The following SUPT3H variants were observed in gnomAD, a reference collection of about 807,000 sequenced individuals.
The protein encoded by SUPT3H is transcription initiation protein SPT3 homolog.
A neutral mutation model predicts 44.3 loss-of-function variants in SUPT3H; 44 were observed. The observed-to-expected ratio is 0.99, with a 90% CI of 0.78 to 1.28. SUPT3H has a LOEUF of 1.28. SUPT3H is among the 50% of genes most tolerant of loss of function. The probability of loss-of-function intolerance (pLI) is 0.00; values close to 1 mark genes in which losing one functional copy is unlikely to be tolerated. For synonymous variants in SUPT3H, 124 were observed against 125.6 expected, an observed-to-expected ratio of 0.99 and a Z score of 0.09; for missense variants, 380 against 387.1, an observed-to-expected ratio of 0.98 and a Z score of 0.15.
chr6:44,910,913 T>C (rs985967206), intron 10 of SUPT3H, among the ~76,000 whole-genome samples: 21 of 142,580 alleles, frequency 1.5e-4, no homozygotes, highest in Middle Eastern at 3.9e-3. Context: ...GAGAACCATT[T>C]GAACCTGGGA....
intron 6 of SUPT3H, among the ~76,000 whole-genome samples, chr6:44,987,760 G>T (rs1005571732): frequency 6.6e-6 from 1 of 151,984 alleles, no homozygotes; most frequent in South Asian, 2.1e-4. Context: ...AATGTATGTC[G>T]GTGCTCTGGT....
At chr6:45,130,069 T>C (rs1803187801) in intron 2 of SUPT3H, among the ~76,000 whole-genome samples, 1 of 152,212 alleles carries the variant, frequency 6.6e-6, no homozygotes, top group Non-Finnish European at 1.5e-5. Context: ...GTGTACAGTT[T>C]AGTAGGTTTC....
intron 6 of SUPT3H, among the ~76,000 whole-genome samples, chr6:44,991,458 T>A (rs1167093642): frequency 1.3e-5 from 2 of 152,098 alleles, no homozygotes; most frequent in African/African-American, 2.4e-5. Context: ...GATATGCTAA[T>A]ACAATAGATT....
Position 45,120,440 on chromosome 6 carries a change from AAG to A in SUPT3H, c.102-14436_102-14435del, listed in dbSNP as rs1186345496. On this transcript the variant is annotated intron_variant, in intron 2 of 10. Coordinates refer to ENST00000371459, the MANE Select transcript of SUPT3H (RefSeq NM_003599.4). The stretch of plus-strand genomic sequence containing the variant: ...TCTAAAAAAAAAAAAAAAAAAAAAA[AAG>A]ACTATATAAGCATATATCCAAGTTA... 1.5e-4 allele frequency among the ~76,000 whole-genome samples: 22 copies of A among 148,192 alleles called. 2 individuals are homozygous for A. The highest frequency in any genetic ancestry group is 6.4e-4 in the South Asian group (3 of 4,722).
intron 2 of SUPT3H, among the ~76,000 whole-genome samples, chr6:45,301,626 T>C (rs1048562485): frequency 6.6e-6 from 1 of 152,118 alleles, no homozygotes; most frequent in South Asian, 2.1e-4. Context: ...ATCCTGTTTA[T>C]AGCTATGATT....
At chr6:44,991,107 CA>C (rs1216077923) in intron 6 of SUPT3H, among the ~76,000 whole-genome samples, 1 of 151,732 alleles carries the variant, frequency 6.6e-6, no homozygotes, top group Non-Finnish European at 1.5e-5. Context: ...GTCCTTTCTT[CA>C]AGGTAGGACA....
intron 11 of SUPT3H, among the ~76,000 whole-genome samples, chr6:44,810,892 CGA>C (rs1434716986): frequency 2.7e-5 from 4 of 146,798 alleles, no homozygotes; most frequent in South Asian, 2.2e-4. Context: ...GATGACAGAG[CGA>C]GAGACTCCAT....
intron 3 of SUPT3H, among the ~76,000 whole-genome samples, chr6:45,032,024 C>A (rs941947486): frequency 6.6e-6 from 1 of 152,140 alleles, no homozygotes; most frequent in Non-Finnish European, 1.5e-5. Context: ...GGGATTATAG[C>A]AATGCAATTG....
intron 2 of SUPT3H, among the ~76,000 whole-genome samples, chr6:45,123,566 C>A (rs1218962579): frequency 6.6e-6 from 1 of 150,954 alleles, no homozygotes; most frequent in East Asian, 1.9e-4. Flanking sequence ...TTTTAAAGTA[C>A]AATTAAAAAT....
At chr6:45,183,023 A>G (rs1813557866) in intron 2 of SUPT3H, among the ~76,000 whole-genome samples, 2 of 152,262 alleles carry the variant, frequency 1.3e-5, no homozygotes, top group South Asian at 4.1e-4. Context: ...TTGTATATCA[A>G]TGTTCACTGC....
At chr6:44,895,783 G>A (rs1764035058) in intron 10 of SUPT3H, among the ~76,000 whole-genome samples, 1 of 152,188 alleles carries the variant, frequency 6.6e-6, no homozygotes, top group Non-Finnish European at 1.5e-5. Flanking sequence ...GATTTCAAAA[G>A]CAAACAATTA....
intron 2 of SUPT3H, among the ~76,000 whole-genome samples, chr6:45,167,974 GC>G (rs1462834992): frequency 6.6e-6 from 1 of 151,958 alleles, no homozygotes; most frequent in Non-Finnish European, 1.5e-5. Context: ...ACCATGTCTG[GC>G]TAATTTTGTA....
chr6:44,954,055 CA>C (rs1174871338), intron 8 of SUPT3H, among the ~76,000 whole-genome samples: 3 of 152,136 alleles, frequency 2.0e-5, no homozygotes, highest in Non-Finnish European at 4.4e-5. Flanking sequence ...GCATTTTAAA[CA>C]AGAACCAAGG....
At chr6:45,320,452 T>C (rs555442906) in intron 2 of SUPT3H, among the ~76,000 whole-genome samples, 1 of 151,504 alleles carries the variant, frequency 6.6e-6, no homozygotes, top group East Asian at 1.9e-4. Flanking sequence ...CATTTTTTTT[T>C]TTTTCTGGTA....
intron 10 of SUPT3H, among the ~76,000 whole-genome samples, chr6:44,878,903 T>C (rs906920473): frequency 6.6e-6 from 1 of 152,096 alleles, no homozygotes; most frequent in Admixed American, 6.5e-5. Context: ...CAGATAACTA[T>C]GCTTTTCCTA....
intron 2 of SUPT3H, among the ~76,000 whole-genome samples, chr6:45,321,407 A>G (rs1462745406): frequency 6.6e-6 from 1 of 152,166 alleles, no homozygotes; most frequent in Non-Finnish European, 1.5e-5. Flanking sequence ...TATATTCACC[A>G]ATTAACATTT....
chr6:45,149,053 A>G (rs950158367), intron 2 of SUPT3H, among the ~76,000 whole-genome samples: 7 of 152,174 alleles, frequency 4.6e-5, no homozygotes, highest in East Asian at 3.8e-4. Context: ...TAAATTTCCA[A>G]TTCTCTTTTG....
At chr6:44,891,616 T>C (rs1763331439) in intron 10 of SUPT3H, among the ~76,000 whole-genome samples, 1 of 152,078 alleles carries the variant, frequency 6.6e-6, no homozygotes, top group South Asian at 2.1e-4. Context: ...GAATGGGTTG[T>C]TATTGCTTAA....
chr6:45,133,385 T>C (rs534572579), intron 2 of SUPT3H, among the ~76,000 whole-genome samples: 13 of 152,238 alleles, frequency 8.5e-5, no homozygotes, highest in East Asian at 1.9e-4. Context: ...TGGGAGAGAA[T>C]AGCCAAGCAA....
Sources: allele counts gnomAD v4.1 joint callset (sites outside exome capture counted in the v4.1 genomes callset), GRCh38; gene constraint gnomAD v4.1.1; transcripts MANE v1.5; gene names NCBI Gene and HGNC (gene_info 2026-07-23, HGNC 2026-07-21).